Variants in MAST4 observed in about 807,000 individuals in gnomAD.
MAST4 encodes the protein microtubule associated serine/threonine kinase family member 4.
Under a neutral mutation model 162.7 loss-of-function variants are expected in MAST4, and 89 were observed. That is an observed-to-expected ratio of 0.55 (90% CI 0.46 to 0.65). The LOEUF (loss-of-function observed/expected upper bound fraction) is 0.65. Among genes scored for constraint, MAST4 ranks in the 30% least tolerant of loss-of-function variants. MAST4 has a pLI of 0.00. For missense variants in MAST4, 3,153 were observed against 3,374.0 expected, an observed-to-expected ratio of 0.93 and a Z score of 1.62; for synonymous variants, 1,479 against 1,361.1, an observed-to-expected ratio of 1.09 and a Z score of -1.91.
rs139987377 is a variant in MAST4 at position 67,036,860 on chromosome 5, A to G, written c.675-17544A>G. ...TATTTTCTCTTATGTCTTTGTAAGC[A>G]TTTTTGGAGTAATCCCATCTTGTGG... On this transcript the variant is annotated intron_variant, in intron 4 of 28. Transcript: ENST00000403625. Among the ~76,000 whole-genome samples, 214 of 152,300 alleles carry G rather than the reference A, an allele frequency of 1.4e-3. 6 individuals carry two copies. The highest frequency in any genetic ancestry group is 5.0e-3 in the African/African-American group (207 of 41,572).
chr5:67,095,575 G>C, intron 6 of MAST4, 22 bp from the exon 7 acceptor site: 1 of 1,593,870 alleles, frequency 6.3e-7, no homozygotes, highest in Non-Finnish European at 8.6e-7. Flanking sequence ...GTTGGCCTAA[G>C]CTAAACTCAC....
chr5:66,810,116 C>T (rs27945), intron 3 of MAST4, among the ~76,000 whole-genome samples: 24,445 of 152,094 alleles, frequency 0.16, 2,271 homozygotes, highest in East Asian at 0.44. Flanking sequence ...AGTTCTGTGA[C>T]GTCCGGTGTG....
intron 18 of MAST4, 63 bp from the exon 19 acceptor site, chr5:67,136,500 T>C (rs2151013208): frequency 1.6e-6 from 2 of 1,222,896 alleles, no homozygotes; most frequent in Non-Finnish European, 2.4e-6. Flanking sequence ...GTGATGTCCA[T>C]GTTGCTGGGA....
chr5:67,022,578 T>C (rs1754118673), intron 4 of MAST4, among the ~76,000 whole-genome samples: 1 of 152,124 alleles, frequency 6.6e-6, no homozygotes, highest in African/African-American at 2.4e-5. Flanking sequence ...AAAGATACTT[T>C]TATAGGGGCA....
chr5:66,974,183 C>T (rs1030941450), intron 4 of MAST4, among the ~76,000 whole-genome samples: 3 of 152,212 alleles, frequency 2.0e-5, no homozygotes, highest in Non-Finnish European at 4.4e-5. Flanking sequence ...GCGAATATCT[C>T]ACCTGATATA....
chr5:67,025,590 G>A (rs912627663), intron 4 of MAST4, among the ~76,000 whole-genome samples: 2 of 152,144 alleles, frequency 1.3e-5, no homozygotes, highest in Non-Finnish European at 2.9e-5. Flanking sequence ...GACCCAGGTG[G>A]CCTCTGGAGT....
intron 1 of MAST4, among the ~76,000 whole-genome samples, chr5:66,642,171 T>A (rs961604349): frequency 3.3e-5 from 5 of 152,188 alleles, no homozygotes; most frequent in African/African-American, 1.2e-4. Flanking sequence ...AATCTAATTC[T>A]GTTCAAGTCT....
intron 1 of MAST4, among the ~76,000 whole-genome samples, chr5:66,692,984 A>ATTTTTTTTTTTT (rs10711722): frequency 7.5e-6 from 1 of 133,146 alleles, no homozygotes; most frequent in African/African-American, 2.8e-5. Context: ...TAAAGTTTGT[A>ATTTTTTTTTTTT]TTTTTTTTTT....
chr5:67,059,682 C>T (rs1265952303), intron 5 of MAST4, among the ~76,000 whole-genome samples: 1 of 152,084 alleles, frequency 6.6e-6, no homozygotes, highest in East Asian at 1.9e-4. Context: ...TTGCAGGTGG[C>T]TACTTTGATG....
chr5:66,814,083 GGGGCCA>G (rs1400407157), intron 3 of MAST4, among the ~76,000 whole-genome samples: 1 of 152,208 alleles, frequency 6.6e-6, no homozygotes, highest in African/African-American at 2.4e-5. Flanking sequence ...TGGGCCTCCA[GGGGCCA>G]CTTCTCAGGA....
intron 1 of MAST4, among the ~76,000 whole-genome samples, chr5:66,688,297 C>G (rs1029044325): frequency 6.6e-6 from 1 of 152,202 alleles, no homozygotes; most frequent in African/African-American, 2.4e-5. Context: ...GACACACCCA[C>G]TCAAATGGAT....
intron 3 of MAST4, among the ~76,000 whole-genome samples, chr5:66,856,437 T>G (rs915309681): frequency 6.6e-6 from 1 of 152,238 alleles, no homozygotes; most frequent in African/African-American, 2.4e-5. Flanking sequence ...GGAACTTAAA[T>G]GGAGAAATCC....
At chr5:66,913,714 TC>T (rs1763921490) in intron 4 of MAST4, among the ~76,000 whole-genome samples, 1 of 152,222 alleles carries the variant, frequency 6.6e-6, no homozygotes, top group South Asian at 2.1e-4. Flanking sequence ...CTTTCCCTAA[TC>T]CAAAGTCACA....
At chr5:66,677,562 A>G (rs1280567738) in intron 1 of MAST4, among the ~76,000 whole-genome samples, 6 of 152,226 alleles carry the variant, frequency 3.9e-5, no homozygotes, top group Admixed American at 3.9e-4. Flanking sequence ...ATTTAAAAAA[A>G]TCCCTCTCTC....
intron 19 of MAST4, among the ~76,000 whole-genome samples, chr5:67,138,680 C>T (rs1202264609): frequency 6.6e-6 from 1 of 152,136 alleles, no homozygotes; most frequent in Non-Finnish European, 1.5e-5. Context: ...GTGATCCACC[C>T]ACCTCGGCCT....
At chr5:66,719,806 C>CT (rs1013954063) in intron 1 of MAST4, among the ~76,000 whole-genome samples, 2 of 151,934 alleles carry the variant, frequency 1.3e-5, no homozygotes, top group African/African-American at 4.8e-5. Flanking sequence ...TAAACCAGAC[C>CT]TTTTTTTTCC....
At chr5:66,672,925 C>G (rs1172391012) in intron 1 of MAST4, among the ~76,000 whole-genome samples, 2 of 152,160 alleles carry the variant, frequency 1.3e-5, no homozygotes, top group Non-Finnish European at 2.9e-5. Context: ...ATGAGGGGTT[C>G]CCTGTCCCCC....
At chr5:66,969,905 C>T (rs138076791) in intron 4 of MAST4, among the ~76,000 whole-genome samples, 2 of 152,286 alleles carry the variant, frequency 1.3e-5, no homozygotes, top group East Asian at 1.9e-4. Context: ...TGAAGATGCT[C>T]GTACCAGATG....
chr5:66,700,126 A>T (rs1014965438), intron 1 of MAST4, among the ~76,000 whole-genome samples: 1 of 152,234 alleles, frequency 6.6e-6, no homozygotes, highest in African/African-American at 2.4e-5. Context: ...CCCTTGAGGC[A>T]TAATAAGGGT....
Sources: gnomAD v4.1 joint callset for allele counts (sites outside exome capture counted in the v4.1 genomes callset) on GRCh38, gnomAD v4.1.1 for gene constraint, MANE v1.5 for transcripts, NCBI Gene and HGNC (gene_info 2026-07-23, HGNC 2026-07-21) for gene names.